Variants in USP47 observed in about 807,000 individuals in gnomAD.
USP47 encodes the protein ubiquitin specific peptidase 47.
In USP47, 35 loss-of-function variants were observed where a neutral mutation model predicts 165.1. The observed-to-expected ratio is 0.21, with a 90% CI of 0.16 to 0.28. The LOEUF (loss-of-function observed/expected upper bound fraction) is 0.28, where lower values mean the gene tolerates loss of function less well. Ranked by LOEUF, USP47 falls within the 10% of genes least tolerant of loss-of-function variation. USP47 has a pLI of 1.00. For synonymous variants in USP47, 531 were observed against 544.5 expected, an observed-to-expected ratio of 0.98 and a Z score of 0.35; for missense variants, 1,277 against 1,607.4, an observed-to-expected ratio of 0.79 and a Z score of 3.52.
At chr11:11,881,774 C>G (rs1850847192) in intron 2 of USP47, among the ~76,000 whole-genome samples, 1 of 152,098 alleles carries the variant, frequency 6.6e-6, no homozygotes, top group Non-Finnish European at 1.5e-5. Flanking sequence ...TGATAGACAT[C>G]TGTCCTTGGA....
At chr11:11,904,547 T>G (rs142404376) in intron 7 of USP47, among the ~76,000 whole-genome samples, 1 of 152,336 alleles carries the variant, frequency 6.6e-6, no homozygotes, top group African/African-American at 2.4e-5. Context: ...GGCTGTTTCT[T>G]CTTCATAGAT....
At chr11:11,937,303 A>G (rs1304801817) in intron 17 of USP47, among the ~76,000 whole-genome samples, 1 of 151,964 alleles carries the variant, frequency 6.6e-6, no homozygotes, top group Non-Finnish European at 1.5e-5. Flanking sequence ...ATCAGTGGTT[A>G]GTGAGAATTA....
intron 1 of USP47, 90 bp downstream of exon 1, chr11:11,842,314 G>A: frequency 6.9e-7 from 1 of 1,440,042 alleles, no homozygotes; most frequent in South Asian, 1.3e-5. Flanking sequence ...GGGCCCGGCC[G>A]GGGTGCAGGC....
At chr11:11,908,568 A>T (rs1852736374) in intron 8 of USP47, among the ~76,000 whole-genome samples, 1 of 152,086 alleles carries the variant, frequency 6.6e-6, no homozygotes, top group African/African-American at 2.4e-5. Context: ...CACTCATCTA[A>T]CTTATTATAA....
chr11:11,905,824 CTT>C (rs11290018), intron 8 of USP47, among the ~76,000 whole-genome samples: 108 of 147,570 alleles, frequency 7.3e-4, no homozygotes, highest in Middle Eastern at 3.5e-3. Flanking sequence ...TCACTTTTAT[CTT>C]TTTTTTTTTT....
chr11:11,879,317 G>A (rs181836422), intron 1 of USP47, among the ~76,000 whole-genome samples: 208 of 152,154 alleles, frequency 1.4e-3, no homozygotes, highest in African/African-American at 4.7e-3. Flanking sequence ...GCTCATTTCA[G>A]CTGTTTGGTT....
intron 3 of USP47, among the ~76,000 whole-genome samples, chr11:11,890,596 A>G (rs1419157524): frequency 2.0e-5 from 3 of 152,138 alleles, no homozygotes; most frequent in Admixed American, 1.3e-4. Context: ...GTGGAAAATA[A>G]TGTGGTCATT....
chr11:11,865,628 T>C (rs1564855626), intron 1 of USP47, among the ~76,000 whole-genome samples: 1 of 152,160 alleles, frequency 6.6e-6, no homozygotes, highest in Non-Finnish European at 1.5e-5. Flanking sequence ...CTACCAGCAA[T>C]GCACAAGAGT....
chr11:11,934,177 G>A (rs568012030), intron 16 of USP47, among the ~76,000 whole-genome samples: 10 of 152,080 alleles, frequency 6.6e-5, no homozygotes, highest in African/African-American at 2.2e-4. Flanking sequence ...ATTAGGAACA[G>A]AATGTTTATT....
At chr11:11,889,612 T>A (rs1851383486) in intron 3 of USP47, among the ~76,000 whole-genome samples, 1 of 152,198 alleles carries the variant, frequency 6.6e-6, no homozygotes, top group South Asian at 2.1e-4. Context: ...ATCAATATCT[T>A]GTTAATGGCC....
At position 11,930,070 on chromosome 11, in the gene USP47, A is replaced by G. The variant is rs1217233200; in HGVS notation, c.1545A>G (p.Thr515=). 2 of 1,613,476 alleles carry G rather than the reference A, an allele frequency of 1.2e-6. No individual in the cohort carries two copies. Among genetic ancestry groups the G allele is most frequent in the East Asian group, 2.2e-5 (1 of 44,844 alleles). Residue 515 remains threonine (T), a synonymous_variant, in exon 13 of 28, where the codon ACA becomes ACG. Coordinates refer to ENST00000527733, the MANE Select transcript of USP47 (RefSeq NM_001282659.2). ...TAACACAAGAGGACATTAAGAAAAC[A>G]CATGGTGGATCTTCAGGAAGCAGAG... ...SRITQEDIKK[T]HGGSSGSRGY... is the part of the protein sequence containing the mutation.
chr11:11,960,363 C>T lies in USP47; in HGVS notation c.*4188C>T, dbSNP rs1412869797. On this transcript the variant is annotated 3_prime_UTR_variant, in exon 28 of 28. Transcript: ENST00000527733. The stretch of plus-strand genomic sequence containing the variant: ...TGTAGACATGAAGGTAGATGCCCTG[C>T]AGGTCCTATCAGCAAAGGACCCAAC... Among the ~76,000 whole-genome samples the T allele has an allele frequency of 6.6e-6, 1 of 152,210 alleles. No individual in the cohort carries two copies. The highest frequency in any genetic ancestry group is 1.5e-5 in the Non-Finnish European group (1 of 68,052).
chr11:11,847,081 G>GA (rs1382763828), intron 1 of USP47, among the ~76,000 whole-genome samples: 1 of 151,936 alleles, frequency 6.6e-6, no homozygotes, highest in African/African-American at 2.4e-5. Flanking sequence ...TTTTGTCCAG[G>GA]AAAAAATGAA....
At chr11:11,908,306 A>G (rs1258595752) in intron 8 of USP47, among the ~76,000 whole-genome samples, 1 of 151,394 alleles carries the variant, frequency 6.6e-6, no homozygotes, top group East Asian at 1.9e-4. Context: ...TTTATTAAAT[A>G]TTTATTTCTT....
Position 11,905,380 on chromosome 11 carries a change from G to A in USP47, c.820-19G>A. The A allele has an allele frequency of 3.2e-6, 5 of 1,550,802 alleles. No individual in the cohort carries two copies. Among genetic ancestry groups the A allele is most frequent in the Non-Finnish European group, 4.4e-6 (5 of 1,139,896 alleles). ...TTATTTTTAAGGAACACTTAAAAAT[G>A]TAAATATTTTATTTTTAGGCTGATC... On this transcript the variant is annotated intron_variant, in intron 7 of 27. Transcript: ENST00000527733.
At position 11,957,375 on chromosome 11, in the gene USP47, A is replaced by G. The variant is rs1171379006; in HGVS notation, c.*1200A>G. On this transcript the variant is annotated 3_prime_UTR_variant, in exon 28 of 28. Transcript: ENST00000527733. ...GCAAGTTTTTGCTTTGCTAAATAAA[A>G]GTACTCAATGAACACAATTCTACAT... is the stretch of plus-strand genomic sequence containing the variant. The G allele has an allele frequency of 1.3e-5, 2 of 152,414 alleles. No homozygotes were observed. The highest frequency in any genetic ancestry group is 2.1e-4 in the South Asian group (1 of 4,822). The allele number at this position is 152,414 out of a possible 1,614,324, so 9.4% of individuals were successfully genotyped here.
At chr11:11,848,200 A>G (rs1197296098) in intron 1 of USP47, among the ~76,000 whole-genome samples, 1 of 152,242 alleles carries the variant, frequency 6.6e-6, no homozygotes, top group African/African-American at 2.4e-5. Context: ...TTGTCACTTA[A>G]TGATGAGGAC....
chr11:11,906,019 T>G (rs1304135962), intron 8 of USP47, among the ~76,000 whole-genome samples: 4 of 152,094 alleles, frequency 2.6e-5, no homozygotes, highest in Non-Finnish European at 5.9e-5. Context: ...ATATTTAGTT[T>G]AAAAAATATA....
chr11:11,862,077 A>G (rs1224947710), intron 1 of USP47, among the ~76,000 whole-genome samples: 1 of 151,736 alleles, frequency 6.6e-6, no homozygotes, highest in East Asian at 1.9e-4. Context: ...AAAAGAGCCA[A>G]TTAAAGCAGA....
Sources: allele counts gnomAD v4.1 joint callset (sites outside exome capture counted in the v4.1 genomes callset), GRCh38; gene constraint gnomAD v4.1.1; transcripts MANE v1.5; gene names NCBI Gene and HGNC (gene_info 2026-07-23, HGNC 2026-07-21).